Variants in C8orf34 observed in about 807,000 individuals in gnomAD.
C8orf34 encodes uncharacterized protein C8orf34.
A neutral mutation model predicts 68.3 loss-of-function variants in C8orf34; 65 were observed. The ratio of observed to expected loss-of-function variants is 0.95; its 90% CI spans 0.78 to 1.17. C8orf34 has a LOEUF of 1.17. Ranked by LOEUF, C8orf34 falls within the 50% of genes most tolerant of loss-of-function variation. The pLI is 0.00. For missense variants in C8orf34, 664 were observed against 655.4 expected, an observed-to-expected ratio of 1.01 and a Z score of -0.14; for synonymous variants, 244 against 241.2, an observed-to-expected ratio of 1.01 and a Z score of -0.11.
chr8:68,469,277 T>G (rs934437540), intron 4 of C8orf34, among the ~76,000 whole-genome samples: 1 of 151,860 alleles, frequency 6.6e-6, no homozygotes, highest in African/African-American at 2.4e-5. Context: ...TAGTGATTAT[T>G]TTTTTTAATG....
At chr8:68,457,673 A>G (rs1402664249) in intron 3 of C8orf34, among the ~76,000 whole-genome samples, 2 of 152,156 alleles carry the variant, frequency 1.3e-5, no homozygotes, top group East Asian at 3.9e-4. Flanking sequence ...GCTTTGTAAC[A>G]TAGTGTCCTC....
chr8:68,652,604 G>A (rs960758701), intron 8 of C8orf34, among the ~76,000 whole-genome samples: 2 of 152,098 alleles, frequency 1.3e-5, no homozygotes, highest in African/African-American at 4.8e-5. Flanking sequence ...GTGAGACAGG[G>A]ATTCATTTTC....
Position 68,636,556 on chromosome 8 carries a change from A to G in C8orf34, c.1106-3820A>G, listed in dbSNP as rs191333291. On this transcript the variant is annotated intron_variant, in intron 7 of 13. Transcript: ENST00000518698. ...GCCGAGATCGCACCACTGCACTCTT[A>G]CCTGGGTGACAGAGCGAGACTCTGT... Among the ~76,000 whole-genome samples the G allele has an allele frequency of 1.4e-3, 220 of 152,150 alleles. 1 individual carries two copies. Among genetic ancestry groups the G allele is most frequent in the Non-Finnish European group, 2.2e-3 (151 of 67,976 alleles).
intron 12 of C8orf34, among the ~76,000 whole-genome samples, chr8:68,815,411 T>C (rs1172326107): frequency 6.6e-6 from 1 of 152,170 alleles, no homozygotes; most frequent in African/African-American, 2.4e-5. Context: ...TACTACCTCA[T>C]GAAATCATAT....
intron 4 of C8orf34, among the ~76,000 whole-genome samples, chr8:68,487,432 A>G (rs187660809): frequency 6.7e-6 from 1 of 149,592 alleles, no homozygotes; most frequent in East Asian, 2.0e-4. Flanking sequence ...AAAGATAGAA[A>G]TTATACTGAT....
rs117016332 is a variant in C8orf34, at chr8:68,598,469, A to G, written c.1106-41907A>G. ...TCAGACAGCAAAGCGCACCAGTGGG[A>G]AGAGGCCGTGGCACAGCTAACTTTG... On this transcript the variant is annotated intron_variant, in intron 7 of 13. Coordinates refer to ENST00000518698, the MANE Select transcript of C8orf34 (RefSeq NM_052958.4). Among the ~76,000 whole-genome samples the G allele has an allele frequency of 5.3e-4, 80 of 152,228 alleles. No homozygotes were observed. The East Asian group carries it at 0.014, about 27-fold the overall frequency.
intron 12 of C8orf34, among the ~76,000 whole-genome samples, chr8:68,796,819 CTTCT>C (rs1303562637): frequency 6.5e-4 from 73 of 113,160 alleles, no homozygotes; most frequent in African/African-American, 2.9e-3. Flanking sequence ...TATTTGAGTT[CTTCT>C]TTTTTTTTTT....
chr8:68,536,019 CA>C (rs1178151975), intron 7 of C8orf34, among the ~76,000 whole-genome samples: 3 of 151,946 alleles, frequency 2.0e-5, no homozygotes, highest in Non-Finnish European at 4.4e-5. Context: ...AGAAAATCTT[CA>C]CATATTTTTT....
intron 11 of C8orf34, among the ~76,000 whole-genome samples, chr8:68,779,310 G>C (rs1431201743): frequency 1.3e-5 from 2 of 151,830 alleles, no homozygotes; most frequent in African/African-American, 2.4e-5. Context: ...AGTAATTTAA[G>C]TATATATGCA....
At chr8:68,593,075 C>T (rs1817445208) in intron 7 of C8orf34, among the ~76,000 whole-genome samples, 1 of 151,992 alleles carries the variant, frequency 6.6e-6, no homozygotes, top group Non-Finnish European at 1.5e-5. Context: ...AAGTCCTCAT[C>T]TATCGTTACA....
At chr8:68,534,994 A>G (rs966678703) in intron 7 of C8orf34, 9 of 985,416 alleles carry the variant, frequency 9.1e-6, no homozygotes, top group East Asian at 2.3e-4. Context: ...GACTTTCTTC[A>G]TGTAATTCCA....
chr8:68,674,737 T>C (rs933812002), intron 8 of C8orf34, among the ~76,000 whole-genome samples: 3 of 152,068 alleles, frequency 2.0e-5, no homozygotes, highest in Non-Finnish European at 4.4e-5. Context: ...AAAGGGATAA[T>C]ATCAGAGAAC....
intron 8 of C8orf34, among the ~76,000 whole-genome samples, chr8:68,664,537 A>G (rs1819779599): frequency 6.6e-6 from 1 of 152,230 alleles, no homozygotes; most frequent in African/African-American, 2.4e-5. Flanking sequence ...ACACTTTATT[A>G]TAAAGTAGGC....
chr8:68,706,052 T>C (rs1314560797), intron 8 of C8orf34, among the ~76,000 whole-genome samples: 1 of 152,168 alleles, frequency 6.6e-6, no homozygotes, highest in Non-Finnish European at 1.5e-5. Context: ...GGAGAGCTGA[T>C]GGTGAGATTT....
chr8:68,485,724 A>AATAAATAAAT (rs34400081), intron 4 of C8orf34, among the ~76,000 whole-genome samples: 5,929 of 147,222 alleles, frequency 0.04, 160 homozygotes, highest in South Asian at 0.063. Flanking sequence ...AAAAAAATAA[A>AATAAATAAAT]AAATAAATAA....
intron 7 of C8orf34, among the ~76,000 whole-genome samples, chr8:68,601,344 A>G (rs1004198486): frequency 3.3e-5 from 5 of 151,752 alleles, no homozygotes; most frequent in African/African-American, 1.2e-4. Context: ...TTTTTTTCTG[A>G]GACTCCAACG....
intron 7 of C8orf34, chr8:68,625,473 G>A (rs1818511572): frequency 3.5e-6 from 2 of 573,580 alleles, no homozygotes; most frequent in East Asian, 6.1e-5. Context: ...AAATGAAACA[G>A]AATTGAAAAT....
At chr8:68,423,662 C>T (rs1031251599) in intron 1 of C8orf34, among the ~76,000 whole-genome samples, 10 of 152,126 alleles carry the variant, frequency 6.6e-5, no homozygotes, top group African/African-American at 2.2e-4. Flanking sequence ...TTTCGGGTAT[C>T]TTTACAGCAG....
At chr8:68,345,094 TA>T (rs2129618225) in intron 1 of C8orf34, among the ~76,000 whole-genome samples, 1 of 152,134 alleles carries the variant, frequency 6.6e-6, no homozygotes, top group East Asian at 1.9e-4. Context: ...GGAATTTTAA[TA>T]AATATAAATG....
Sources: allele counts gnomAD v4.1 joint callset (sites outside exome capture counted in the v4.1 genomes callset), GRCh38; gene constraint gnomAD v4.1.1; transcripts MANE v1.5; gene names NCBI Gene and HGNC (gene_info 2026-07-23, HGNC 2026-07-21).